Variants in GABRR3 observed in about 807,000 individuals in gnomAD.
GABRR3 encodes gamma-aminobutyric acid receptor subunit rho-3.
In GABRR3, 29 loss-of-function variants were observed where a neutral mutation model predicts 43.2. That is an observed-to-expected ratio of 0.67 (90% CI 0.50 to 0.92). The LOEUF is 0.92. GABRR3 is among the 40% of genes least tolerant of loss of function. GABRR3 has a pLI of 0.00. For synonymous variants in GABRR3, 206 were observed against 195.9 expected, an observed-to-expected ratio of 1.05 and a Z score of -0.43; for missense variants, 576 against 572.3, an observed-to-expected ratio of 1.01 and a Z score of -0.07.
At chr3:97,997,786 C>A (rs1706582870) in intron 8 of GABRR3, 1 of 152,186 alleles carries the variant, frequency 6.6e-6, no homozygotes, top group Non-Finnish European at 1.5e-5. Flanking sequence ...TATGCAGTCA[C>A]ACAAAGAGCT....
chr3:98,002,852 C>T (rs1706669359), intron 7 of GABRR3, among the ~76,000 whole-genome samples: 1 of 152,078 alleles, frequency 6.6e-6, no homozygotes, highest in African/African-American at 2.4e-5. Context: ...CTAGTCTCAG[C>T]AGTAATTTCT....
At chr3:97,993,647 T>C (rs766543294) in intron 8 of GABRR3, among the ~76,000 whole-genome samples, 14 of 152,206 alleles carry the variant, frequency 9.2e-5, no homozygotes, top group Admixed American at 1.3e-4. Context: ...AGTGTGCTAG[T>C]AGGGGTTCAG....
intron 3 of GABRR3, among the ~76,000 whole-genome samples, chr3:98,023,526 G>C (rs1308818467): frequency 6.6e-6 from 1 of 152,064 alleles, no homozygotes; most frequent in Non-Finnish European, 1.5e-5. Context: ...GAATCACAGG[G>C]ACCAAGGTAC....
intron 9 of GABRR3, among the ~76,000 whole-genome samples, chr3:97,989,114 ATGG>A (rs1706428309): frequency 1.4e-5 from 2 of 141,904 alleles, no homozygotes; most frequent in African/African-American, 5.3e-5. Flanking sequence ...ACGGTGGTAG[ATGG>A]TGGTGTTGGA....
At chr3:98,003,062 C>T (rs563890489) in intron 7 of GABRR3, among the ~76,000 whole-genome samples, 1 of 152,052 alleles carries the variant, frequency 6.6e-6, no homozygotes, top group East Asian at 1.9e-4. Context: ...TTCAGGAATA[C>T]CAAACAATTT....
chr3:97,986,578 G>A (rs1443572057), downstream of GABRR3: 1 of 729,192 alleles, frequency 1.4e-6, no homozygotes, highest in Non-Finnish European at 2.2e-6. Flanking sequence ...CAGGAGAGGT[G>A]ACTTGCTCTT....
chr3:98,026,579 C>T (rs2107249933), intron 2 of GABRR3, among the ~76,000 whole-genome samples: 1 of 132,098 alleles, frequency 7.6e-6, no homozygotes, highest in South Asian at 2.4e-4. Flanking sequence ...TTGCTCAGCA[C>T]CTCCTTCCAG....
rs1330306222 is a variant in GABRR3, at chr3:98,007,891, CT to C, written c.626del (p.Glu209GlyfsTer4). On this transcript the variant is annotated frameshift_variant, in exon 7 of 10. Coordinates refer to ENST00000621172, the Ensembl canonical transcript of GABRR3. LOFTEE classifies it high-confidence loss of function. Reference sequence around the variant, plus strand: ...GTTTCCAGTATAGCATTAGGTCATCCTCATTGTAGGCATCTAAAACATGAAA... The same window carrying C: ...GTTTCCAGTATAGCATTAGGTCATCCCATTGTAGGCATCTAAAACATGAAA... The C allele has an allele frequency of 5.1e-6, 8 of 1,577,088 alleles. No individual in the cohort carries two copies. In the East Asian group the frequency reaches 1.8e-4, roughly 36 times the overall value.
At chr3:97,999,926 T>C (rs1419973882) in intron 8 of GABRR3, 4 of 151,926 alleles carry the variant, frequency 2.6e-5, no homozygotes, top group Non-Finnish European at 5.9e-5. Context: ...AGAGAAAAGG[T>C]AATTGGGACA....
intron 5 of GABRR3, among the ~76,000 whole-genome samples, 200 bp from the exon 6 acceptor site, chr3:98,009,238 A>T (rs537985122): frequency 4.6e-5 from 7 of 152,314 alleles, no homozygotes; most frequent in African/African-American, 1.7e-4. Context: ...TAAGACACAG[A>T]GTCAATGAGT....
At chr3:98,020,614 T>C (rs1706930086) in intron 3 of GABRR3, among the ~76,000 whole-genome samples, 2 of 152,054 alleles carry the variant, frequency 1.3e-5, no homozygotes. Flanking sequence ...GACAGTCTTG[T>C]AAAACTACCC....
intron 2 of GABRR3, among the ~76,000 whole-genome samples, chr3:98,029,348 G>T (rs1229726352): frequency 2.0e-5 from 3 of 152,106 alleles, no homozygotes; most frequent in Admixed American, 2.0e-4. Context: ...TACTGTAATT[G>T]TGTGACAAAG....
intron 2 of GABRR3, among the ~76,000 whole-genome samples, chr3:98,028,588 C>T (rs775193282): frequency 3.3e-5 from 5 of 152,074 alleles, no homozygotes; most frequent in Non-Finnish European, 7.4e-5. Context: ...GGGCAATACT[C>T]GTAGGATTCA....
chr3:98,029,241 T>A (rs1313490747), intron 2 of GABRR3, among the ~76,000 whole-genome samples: 1 of 152,132 alleles, frequency 6.6e-6, no homozygotes, highest in East Asian at 1.9e-4. Flanking sequence ...GTCTTGGTAA[T>A]AGGTGTGGTT....
At chr3:98,008,003 T>C (rs1223766607) in intron 6 of GABRR3, 99 bp from the exon 7 acceptor site, 1 of 929,318 alleles carries the variant, frequency 1.1e-6, no homozygotes, top group East Asian at 2.7e-5. Flanking sequence ...CCTTAGTGCC[T>C]ACTCCAATGA....
At chr3:98,023,715 A>AAGCCAAGATT (rs1351402568) in intron 3 of GABRR3, among the ~76,000 whole-genome samples, 2 of 152,244 alleles carry the variant, frequency 1.3e-5, no homozygotes, top group East Asian at 3.8e-4. Context: ...AACCTGCTTC[A>AAGCCAAGATT]TCTCAAGGCT....
intron 7 of GABRR3, 44 bp downstream of exon 7, chr3:98,007,720 A>G: frequency 6.2e-7 from 1 of 1,607,646 alleles, no homozygotes; most frequent in Non-Finnish European, 8.5e-7. Context: ...CAAACAGTAG[A>G]TGTCCAATAA....
chr3:98,028,777 G>C (rs1707052565), intron 2 of GABRR3, among the ~76,000 whole-genome samples: 1 of 152,238 alleles, frequency 6.6e-6, no homozygotes, highest in African/African-American at 2.4e-5. Context: ...CAGATACCTT[G>C]CATCTACCCT....
intron 3 of GABRR3, among the ~76,000 whole-genome samples, chr3:98,020,872 T>TC (rs1491468610): frequency 6.7e-5 from 1 of 15,012 alleles, no homozygotes; most frequent in African/African-American, 3.4e-4. Context: ...TTCTTTTTCT[T>TC]TTTTTTTTTT....
Sources: allele counts gnomAD v4.1 joint callset (sites outside exome capture counted in the v4.1 genomes callset), GRCh38; gene constraint gnomAD v4.1.1; transcripts MANE v1.5; gene names NCBI Gene and HGNC (gene_info 2026-07-23, HGNC 2026-07-21).